AKIRIN2: variants seen among roughly 807,000 people sequenced by gnomAD.
The protein encoded by AKIRIN2 is akirin-2.
Under a neutral mutation model 29.3 loss-of-function variants are expected in AKIRIN2, and 6 were observed. The observed-to-expected ratio is 0.20, with a 90% CI of 0.11 to 0.40. The LOEUF is 0.40. Among genes scored for constraint, AKIRIN2 ranks in the 10% least tolerant of loss-of-function variants. AKIRIN2 has a pLI of 1.00. For missense variants in AKIRIN2, 210 were observed against 276.1 expected (o/e 0.76, Z 1.70); for synonymous variants, 128 against 117.5 (o/e 1.09, Z -0.58).
At position 87,701,757 on chromosome 6, in the gene AKIRIN2, G is replaced by C. The variant is rs1582128824; in HGVS notation, c.-73C>G. On this transcript the variant is annotated 5_prime_UTR_variant, in exon 1 of 5. Coordinates refer to ENST00000257787, the MANE Select transcript of AKIRIN2 (RefSeq NM_018064.4). Reference sequence around the variant, plus strand: ...TGACGAAAGAAGAGGGTGAGGGAAGGGGTGAAGAGCGGGAACTCGAGGAGA... The same window carrying C: ...TGACGAAAGAAGAGGGTGAGGGAAGCGGTGAAGAGCGGGAACTCGAGGAGA... The C allele has an allele frequency of 5.3e-6, 6 of 1,141,202 alleles. No homozygotes were observed. The highest frequency in any genetic ancestry group is 4.9e-5 in the African/African-American group (3 of 60,632). 70.7% of individuals were successfully genotyped at this position (1,141,202 alleles called of 1,614,324 possible). A position where few individuals can be genotyped will look rare whatever the true frequency, so the allele number is the denominator to read the frequency against.
At chr6:87,683,772 G>C (rs946903455) in intron 1 of AKIRIN2, among the ~76,000 whole-genome samples, 4 of 152,264 alleles carry the variant, frequency 2.6e-5, no homozygotes, top group African/African-American at 9.6e-5. Flanking sequence ...TCCTGCGTCA[G>C]CCTCCCAAGT....
intron 1 of AKIRIN2, among the ~76,000 whole-genome samples, chr6:87,692,199 A>T (rs1257688448): frequency 6.6e-6 from 1 of 152,198 alleles, no homozygotes. Context: ...TGTAGAAGGC[A>T]GGCTTAGTCA....
rs1562397628 is a variant in AKIRIN2 at position 87,681,838 on chromosome 6, T to G, written c.236-75A>C. On this transcript the variant is annotated intron_variant, in intron 1 of 4. Transcript: ENST00000257787. ...AAAGAGGTTGGCTTTCCAACATTAT[T>G]TAGTAGACCAATCTACCCAAAATAC... 3 of 1,261,090 alleles carry G rather than the reference T, an allele frequency of 2.4e-6. No homozygotes were observed. The African/African-American group carries it at 4.6e-5, about 19-fold the overall frequency. 78.1% of individuals were successfully genotyped at this position (1,261,090 alleles called of 1,614,324 possible).
At chr6:87,678,076 T>A in intron 2 of AKIRIN2, 109 bp from the exon 3 acceptor site, 1 of 1,027,560 alleles carries the variant, frequency 9.7e-7, no homozygotes, top group Non-Finnish European at 1.3e-6. Context: ...TATAAAAGCA[T>A]TTTAAAATCA....
At position 87,677,921 on chromosome 6, in the gene AKIRIN2, T is replaced by C. The variant is rs748661884; in HGVS notation, c.426A>G (p.Leu142=). Residue 142 remains leucine, a synonymous_variant, in exon 3 of 5, where the codon TTA becomes TTG. Coordinates refer to ENST00000257787, the MANE Select transcript of AKIRIN2 (RefSeq NM_018064.4). The stretch of plus-strand genomic sequence containing the variant: ...TCATCCCAACCTGCCGTAGAGTAAA[T>C]AAGGGCTGTTCTTTTTTTAATGGTG... ...ASSPLKKEQP[L]FTLRQVGMIC... is the part of the protein sequence containing the mutation. 6.2e-7 allele frequency: 1 copy of C among 1,614,044 alleles called. No homozygotes were observed. Among genetic ancestry groups the C allele is most frequent in the Non-Finnish European group, 8.5e-7 (1 of 1,179,980 alleles).
intron 1 of AKIRIN2, among the ~76,000 whole-genome samples, chr6:87,692,894 T>C (rs910732193): frequency 1.3e-5 from 2 of 151,896 alleles, no homozygotes; most frequent in Admixed American, 6.6e-5. Flanking sequence ...GCATAATTTA[T>C]ACTTTCATAC....
chr6:87,687,956 C>CT (rs1367132806), intron 1 of AKIRIN2, among the ~76,000 whole-genome samples: 4 of 152,136 alleles, frequency 2.6e-5, no homozygotes, highest in African/African-American at 7.2e-5. Context: ...AGTGAAAACT[C>CT]TATCTCCACC....
intron 1 of AKIRIN2, among the ~76,000 whole-genome samples, chr6:87,695,964 G>GC (rs556401473): frequency 9.8e-4 from 149 of 151,544 alleles, no homozygotes; most frequent in African/African-American, 3.3e-3. Context: ...GATTGCTTGA[G>GC]CCCCAGGAGT....
chr6:87,675,589 T>C lies in AKIRIN2; in HGVS notation c.*8A>G, dbSNP rs1770957015. 1 of 1,613,974 alleles carries C rather than the reference T, an allele frequency of 6.2e-7. No homozygotes were observed. The highest frequency in any genetic ancestry group is 1.3e-5 in the African/African-American group (1 of 74,924). Reference sequence around the variant, plus strand: ...AACAAGGCAGCCCACAAATGCAGGATACGTGATTCATGAAACATCTAAAGG... The same window carrying C: ...AACAAGGCAGCCCACAAATGCAGGACACGTGATTCATGAAACATCTAAAGG... On this transcript the variant is annotated 3_prime_UTR_variant, in exon 5 of 5. Coordinates refer to ENST00000257787, the MANE Select transcript of AKIRIN2 (RefSeq NM_018064.4).
At chr6:87,679,746 T>G (rs1771088282) in intron 2 of AKIRIN2, among the ~76,000 whole-genome samples, 1 of 152,184 alleles carries the variant, frequency 6.6e-6, no homozygotes, top group East Asian at 1.9e-4. Flanking sequence ...TTTCAAATAT[T>G]CCTTCAGCAT....
intron 1 of AKIRIN2, among the ~76,000 whole-genome samples, chr6:87,686,305 T>C: frequency 6.6e-6 from 1 of 151,966 alleles, no homozygotes; most frequent in East Asian, 1.9e-4. Flanking sequence ...ACACCATGAA[T>C]AAGGTCAACA....
chr6:87,683,003 T>C (rs1771141176), intron 1 of AKIRIN2, among the ~76,000 whole-genome samples: 1 of 152,226 alleles, frequency 6.6e-6, no homozygotes, highest in African/African-American at 2.4e-5. Context: ...TTTTCGTAGA[T>C]AACCACCATA....
At chr6:87,678,055 T>G in intron 2 of AKIRIN2, 88 bp from the exon 3 acceptor site, 1 of 1,225,846 alleles carries the variant, frequency 8.2e-7, no homozygotes, top group South Asian at 1.9e-5. Context: ...TTTGGATCTC[T>G]TCAATCTTGA....
At chr6:87,680,575 AT>A (rs1771103819) in intron 2 of AKIRIN2, among the ~76,000 whole-genome samples, 1 of 151,442 alleles carries the variant, frequency 6.6e-6, no homozygotes, top group African/African-American at 2.4e-5. Context: ...CCAGCCGCAA[AT>A]TTTTTTATTC....
chr6:87,684,824 C>T lies in AKIRIN2; in HGVS notation c.236-3061G>A, dbSNP rs117746319. Among the ~76,000 whole-genome samples, 33 of 152,234 alleles carry T rather than the reference C, an allele frequency of 2.2e-4. 1 individual carries two copies. In the East Asian group the frequency reaches 6.2e-3, roughly 28 times the overall value. ...CCAATTTGGGACTATTACGAATATT[C>T]AAGTACCAGTCTTTGGTGGACATGT... On this transcript the variant is annotated intron_variant, in intron 1 of 4. Coordinates refer to ENST00000257787, the MANE Select transcript of AKIRIN2 (RefSeq NM_018064.4).
At chr6:87,685,099 A>C (rs1043001801) in intron 1 of AKIRIN2, among the ~76,000 whole-genome samples, 2 of 152,168 alleles carry the variant, frequency 1.3e-5, no homozygotes, top group African/African-American at 4.8e-5. Context: ...TTTACATCTA[A>C]TATGATGCAA....
chr6:87,691,756 G>C (rs1056916573), intron 1 of AKIRIN2, among the ~76,000 whole-genome samples: 1 of 152,180 alleles, frequency 6.6e-6, no homozygotes, highest in Non-Finnish European at 1.5e-5. Context: ...CTGAAAGAAA[G>C]GTCAAATAAG....
chr6:87,690,676 T>A (rs999303923), intron 1 of AKIRIN2, among the ~76,000 whole-genome samples: 1 of 152,122 alleles, frequency 6.6e-6, no homozygotes, highest in Non-Finnish European at 1.5e-5. Flanking sequence ...AAAGAGGAAT[T>A]AAGACCACCT....
At chr6:87,690,293 A>T (rs1393270856) in intron 1 of AKIRIN2, among the ~76,000 whole-genome samples, 1 of 152,200 alleles carries the variant, frequency 6.6e-6, no homozygotes, top group African/African-American at 2.4e-5. Context: ...CATACTAAGG[A>T]GTGGAGAGGA....
Sources: allele counts gnomAD v4.1 joint callset (sites outside exome capture counted in the v4.1 genomes callset), GRCh38; gene constraint gnomAD v4.1.1; transcripts MANE v1.5; gene names NCBI Gene and HGNC (gene_info 2026-07-23, HGNC 2026-07-21).